Variants in PAX7 observed in about 807,000 individuals in gnomAD.
PAX7 encodes the protein paired box 7.
In PAX7, 18 loss-of-function variants were observed where a neutral mutation model predicts 50.7. The observed-to-expected ratio is 0.36, with a 90% confidence interval of 0.25 to 0.53. The LOEUF (loss-of-function observed/expected upper bound fraction) is 0.53, where lower values mean the gene tolerates loss of function less well. Ranked by LOEUF, PAX7 falls within the 20% of genes least tolerant of loss-of-function variation. The pLI is 0.93. For synonymous variants in PAX7, 310 were observed against 290.4 expected, an observed-to-expected ratio of 1.07 and a Z score of -0.69; for missense variants, 644 against 702.9, an observed-to-expected ratio of 0.92 and a Z score of 0.95.
At chr1:18,679,941 TAAC>T (rs1212659797) in intron 4 of PAX7, among the ~76,000 whole-genome samples, 2 of 152,178 alleles carry the variant, frequency 1.3e-5, no homozygotes, top group African/African-American at 4.8e-5. Context: ...GGGCCAATAA[TAAC>T]AATAGCAGCA....
chr1:18,631,767 G>T (rs1040364459), intron 1 of PAX7, 79 bp downstream of exon 1: 12 of 1,183,622 alleles, frequency 1.0e-5, no homozygotes, highest in Non-Finnish European at 1.5e-5. Context: ...GGTCTCCAGG[G>T]GACGGTGGCG....
chr1:18,639,133 T>G (rs1430470219), intron 4 of PAX7, among the ~76,000 whole-genome samples: 1 of 152,184 alleles, frequency 6.6e-6, no homozygotes, highest in African/African-American at 2.4e-5. Flanking sequence ...GCTTGGCATT[T>G]AATAATGTTA....
At chr1:18,693,925 AG>A (rs1293572566) in intron 5 of PAX7, among the ~76,000 whole-genome samples, 1 of 152,088 alleles carries the variant, frequency 6.6e-6, no homozygotes, top group Non-Finnish European at 1.5e-5. Context: ...CCACGGAGGG[AG>A]GGGGTCTGGG....
At chr1:18,676,836 G>T (rs1187368502) in intron 4 of PAX7, among the ~76,000 whole-genome samples, 1 of 152,204 alleles carries the variant, frequency 6.6e-6, no homozygotes, top group Admixed American at 6.5e-5. Context: ...GAACCCTGAA[G>T]GTGGAGTTTA....
At position 18,636,165 on chromosome 1, in the gene PAX7, A is replaced by C. The variant is rs1231732193; in HGVS notation, c.452-72A>C. The C allele has an allele frequency of 1.3e-6, 2 of 1,535,296 alleles. No individual in the cohort carries two copies. The highest frequency in any genetic ancestry group is 2.4e-5 in the South Asian group (2 of 82,876). On this transcript the variant is annotated intron_variant, in intron 3 of 8. Coordinates refer to ENST00000420770, the MANE Select transcript of PAX7 (RefSeq NM_001135254.2). This position sits in a 1 kb window ranked among gnomAD's most constrained non-coding sequence, Gnocchi z 5.1. ...GCAGGGGGCTTCCTGACTTTCTCCCAGGGGCCCAGGCCACCGCTCGCTCCT... is the reference window on the plus strand; with the variant it reads ...GCAGGGGGCTTCCTGACTTTCTCCCCGGGGCCCAGGCCACCGCTCGCTCCT...
At chr1:18,645,557 G>A (rs1465234858) in intron 4 of PAX7, among the ~76,000 whole-genome samples, 1 of 152,246 alleles carries the variant, frequency 6.6e-6, no homozygotes, top group African/African-American at 2.4e-5. Flanking sequence ...GACAGGTGGA[G>A]AGGGACAGCT....
chr1:18,631,933 G>T (rs2088062288), intron 1 of PAX7, among the ~76,000 whole-genome samples: 1 of 152,202 alleles, frequency 6.6e-6, no homozygotes, highest in South Asian at 2.1e-4. Context: ...GTCTTTACCC[G>T]CAGGGCTGAA....
chr1:18,700,619 G>C lies in PAX7; in HGVS notation c.787-34G>C, dbSNP rs573548328. 5 of 1,485,360 alleles carry C rather than the reference G, an allele frequency of 3.4e-6. No individual in the cohort carries two copies. In the East Asian group the frequency reaches 1.3e-4, roughly 38 times the overall value. The allele number at this position is 1,485,360 out of a possible 1,614,324, so 92.0% of individuals were successfully genotyped here. A position where few individuals can be genotyped will look rare whatever the true frequency, so the allele number is the denominator to read the frequency against. On this transcript the variant is annotated intron_variant, in intron 5 of 8. Transcript: ENST00000420770. This position sits in a 1 kb window ranked among gnomAD's most constrained non-coding sequence, Gnocchi z 4.8. Reference sequence around the variant, plus strand: ...GCAGCTCTCTGCCAGGAACCTGGCCGAGGGGTCTCCATTCTCTGCTCTCCA... The same window carrying C: ...GCAGCTCTCTGCCAGGAACCTGGCCCAGGGGTCTCCATTCTCTGCTCTCCA...
intron 8 of PAX7, among the ~76,000 whole-genome samples, chr1:18,743,992 C>T: frequency 6.6e-6 from 1 of 152,238 alleles, no homozygotes; most frequent in East Asian, 1.9e-4. Context: ...GTATGCACCA[C>T]TCTCAGGCAC....
At chr1:18,655,623 T>G (rs2088503354) in intron 4 of PAX7, among the ~76,000 whole-genome samples, 1 of 152,176 alleles carries the variant, frequency 6.6e-6, no homozygotes, top group African/African-American at 2.4e-5. Context: ...TCAGCTGAAG[T>G]CTGGCGGCCT....
intron 5 of PAX7, among the ~76,000 whole-genome samples, chr1:18,699,897 G>A (rs1033124586): frequency 1.2e-4 from 18 of 152,132 alleles, no homozygotes; most frequent in Admixed American, 1.0e-3. Context: ...CTCCAACACA[G>A]ACTAGCTGTG....
intron 7 of PAX7, among the ~76,000 whole-genome samples, chr1:18,705,509 G>A (rs1369134341): frequency 6.6e-6 from 1 of 152,148 alleles, no homozygotes; most frequent in Non-Finnish European, 1.5e-5. Context: ...TTGACAATCC[G>A]GCGCACCTGA....
At chr1:18,724,033 G>T (rs931383225) in intron 7 of PAX7, among the ~76,000 whole-genome samples, 3 of 152,138 alleles carry the variant, frequency 2.0e-5, no homozygotes, top group African/African-American at 7.2e-5. Flanking sequence ...CAGTGCCCCC[G>T]CCACTCTCAA....
At chr1:18,641,187 A>G (rs926804875) in intron 4 of PAX7, among the ~76,000 whole-genome samples, 2 of 152,272 alleles carry the variant, frequency 1.3e-5, no homozygotes, top group African/African-American at 4.8e-5. Flanking sequence ...GAGAAGAGAC[A>G]GAAGGAGATA....
chr1:18,658,514 A>G (rs974086051), intron 4 of PAX7, among the ~76,000 whole-genome samples: 20 of 152,230 alleles, frequency 1.3e-4, no homozygotes, highest in Non-Finnish European at 1.5e-4. Flanking sequence ...ACATGATGGA[A>G]GGGAAAGTGA....
At chr1:18,670,497 G>A (rs1227436314) in intron 4 of PAX7, among the ~76,000 whole-genome samples, 1 of 152,104 alleles carries the variant, frequency 6.6e-6, no homozygotes, top group Non-Finnish European at 1.5e-5. Context: ...CTCGGCTGTG[G>A]CACTACCAGC....
Position 18,710,801 on chromosome 1 carries a change from G to C in PAX7, c.1155+7505G>C, listed in dbSNP as rs148727382. ...TCTCTCCATTCCTCAAAGCAGATTG[G>C]GGACATCCTGGCATTACCAGGGCGT... is the stretch of plus-strand genomic sequence containing the variant. On this transcript the variant is annotated intron_variant, in intron 7 of 8. Coordinates refer to ENST00000420770, the MANE Select transcript of PAX7 (RefSeq NM_001135254.2). Among the ~76,000 whole-genome samples, 307 of 152,152 alleles carry C rather than the reference G, an allele frequency of 2.0e-3. 2 individuals carry two copies. Among genetic ancestry groups the C allele is most frequent in the African/African-American group, 7.0e-3 (289 of 41,500 alleles).
rs1461005193 is a variant in PAX7 at position 18,726,082 on chromosome 1, G to A, written c.1156-9550G>A. ...TGGACAATAAGTGGAATGCCATTCT[G>A]TTCCTCCCTCCGCCCCCACCTCACC... On this transcript the variant is annotated intron_variant, in intron 7 of 8. Transcript: ENST00000420770. This position sits in a 1 kb window ranked among gnomAD's most constrained non-coding sequence, Gnocchi z 4.8. Among the ~76,000 whole-genome samples, 1 of 150,534 alleles carries A rather than the reference G, an allele frequency of 6.6e-6. No homozygotes were observed. Among genetic ancestry groups the A allele is most frequent in the African/African-American group, 2.5e-5 (1 of 40,642 alleles).
intron 7 of PAX7, among the ~76,000 whole-genome samples, chr1:18,713,006 C>A (rs1175511388): frequency 2.0e-5 from 3 of 152,102 alleles, no homozygotes; most frequent in African/African-American, 7.2e-5. Context: ...CGTTTGAATC[C>A]AGGAGGCGGA....
Sources: gnomAD v4.1 joint callset for allele counts (sites outside exome capture counted in the v4.1 genomes callset) on GRCh38, gnomAD v4.1.1 for gene constraint, Gnocchi (gnomAD v3.1) non-coding constraint, MANE v1.5 for transcripts, NCBI Gene and HGNC (gene_info 2026-07-23, HGNC 2026-07-21) for gene names.